The following ZNF385D variants were observed in gnomAD, a reference collection of about 807,000 sequenced individuals.
ZNF385D encodes zinc finger protein 385D, also known as zinc finger protein 659.
ZNF385D carries 15 observed loss-of-function variants against 35.8 expected under a neutral mutation model. The ratio of observed to expected loss-of-function variants is 0.42; its 90% CI spans 0.28 to 0.64. ZNF385D has a LOEUF of 0.64. Ranked by LOEUF, ZNF385D falls within the 30% of genes least tolerant of loss-of-function variation. The probability of loss-of-function intolerance (pLI) is 0.23; values close to 1 mark genes in which losing one functional copy is unlikely to be tolerated. For missense variants in ZNF385D, 474 were observed against 494.6 expected, an observed-to-expected ratio of 0.96 and a Z score of 0.39; for synonymous variants, 212 against 186.8, an observed-to-expected ratio of 1.13 and a Z score of -1.10.
At chr3:22,150,838 G>C (rs1705179116) in intron 3 of ZNF385D, among the ~76,000 whole-genome samples, 1 of 151,988 alleles carries the variant, frequency 6.6e-6, no homozygotes, top group Admixed American at 6.6e-5. Flanking sequence ...CATGTGTAGA[G>C]TGCATATAAG....
intron 2 of ZNF385D, among the ~76,000 whole-genome samples, chr3:22,368,007 C>T (rs998994776): frequency 6.6e-6 from 1 of 152,122 alleles, no homozygotes; most frequent in Admixed American, 6.5e-5. Flanking sequence ...ACATAACTTG[C>T]AAGGAAGGAA....
At chr3:22,326,047 A>G (rs1020490061) in intron 2 of ZNF385D, among the ~76,000 whole-genome samples, 7 of 151,978 alleles carry the variant, frequency 4.6e-5, no homozygotes, top group Non-Finnish European at 5.9e-5. Context: ...CCTGTCTCCA[A>G]TTCCCGAATG....
chr3:22,326,902 T>A (rs191571770), intron 2 of ZNF385D, among the ~76,000 whole-genome samples: 1 of 152,306 alleles, frequency 6.6e-6, no homozygotes, highest in African/African-American at 2.4e-5. Flanking sequence ...AGCAAGTTGA[T>A]AAAAGCAGTC....
At chr3:21,839,740 G>A (rs1695547125) in intron 3 of ZNF385D, among the ~76,000 whole-genome samples, 1 of 151,984 alleles carries the variant, frequency 6.6e-6, no homozygotes, top group African/African-American at 2.4e-5. Flanking sequence ...CCCAGATGCT[G>A]TAGCAGTGGA....
At chr3:21,656,019 C>T (rs898807635) in intron 2 of ZNF385D, among the ~76,000 whole-genome samples, 7 of 151,646 alleles carry the variant, frequency 4.6e-5, no homozygotes, top group African/African-American at 1.7e-4. Flanking sequence ...TATTTACTTC[C>T]TTGGTTCATA....
chr3:21,896,972 T>C (rs1699171111), intron 3 of ZNF385D, among the ~76,000 whole-genome samples: 1 of 152,128 alleles, frequency 6.6e-6, no homozygotes, highest in African/African-American at 2.4e-5. Flanking sequence ...GCTGTGTTTG[T>C]AGGCAGTGAG....
At chr3:21,647,894 A>T (rs1038064786) in intron 2 of ZNF385D, among the ~76,000 whole-genome samples, 2 of 152,198 alleles carry the variant, frequency 1.3e-5, no homozygotes, top group African/African-American at 4.8e-5. Context: ...TACTAAGAAA[A>T]ATGGTATAAA....
intron 3 of ZNF385D, among the ~76,000 whole-genome samples, chr3:21,891,707 G>A (rs190369202): frequency 6.6e-6 from 1 of 152,186 alleles, no homozygotes; most frequent in African/African-American, 2.4e-5. Context: ...AAATTAGGCT[G>A]AGAGGCCTTG....
chr3:22,082,572 C>T (rs757265754), intron 3 of ZNF385D, among the ~76,000 whole-genome samples: 3 of 152,174 alleles, frequency 2.0e-5, no homozygotes, highest in Non-Finnish European at 4.4e-5. Flanking sequence ...ATAGAGCCCA[C>T]CACAACTCAA....
chr3:21,548,263 T>C, intron 3 of ZNF385D, among the ~76,000 whole-genome samples: 1 of 152,188 alleles, frequency 6.6e-6, no homozygotes, highest in African/African-American at 2.4e-5. Context: ...ACCTGGCTGA[T>C]ACTGTTTCTA....
At chr3:21,625,053 A>G (rs2065098787) in intron 2 of ZNF385D, among the ~76,000 whole-genome samples, 1 of 152,072 alleles carries the variant, frequency 6.6e-6, no homozygotes, top group South Asian at 2.1e-4. Context: ...TCTTTGATTC[A>G]GTTCTAATAA....
At chr3:21,618,958 C>G (rs148446121) in intron 2 of ZNF385D, among the ~76,000 whole-genome samples, 21 of 152,232 alleles carry the variant, frequency 1.4e-4, no homozygotes, top group African/African-American at 4.1e-4. Context: ...CCAGGTCAAG[C>G]CAGTTGAGAC....
At chr3:21,531,805 A>G (rs1184659559) in intron 3 of ZNF385D, among the ~76,000 whole-genome samples, 1 of 152,232 alleles carries the variant, frequency 6.6e-6, no homozygotes, top group Non-Finnish European at 1.5e-5. Flanking sequence ...TATTCTGTAT[A>G]ATATGGTAAC....
intron 3 of ZNF385D, among the ~76,000 whole-genome samples, chr3:21,546,886 T>C (rs1057272064): frequency 6.6e-6 from 1 of 151,686 alleles, no homozygotes; most frequent in Non-Finnish European, 1.5e-5. Flanking sequence ...CGGTGGTGCC[T>C]GCCAAAGTCG....
intron 3 of ZNF385D, among the ~76,000 whole-genome samples, chr3:22,076,794 T>G (rs1258211681): frequency 6.6e-6 from 1 of 151,946 alleles, no homozygotes; most frequent in East Asian, 1.9e-4. Context: ...GACTTATTCT[T>G]GGACAAAATA....
In ZNF385D at chr3:21,592,554, A is replaced by C. The variant is rs2064009968; in HGVS notation, c.166-27870T>G. On this transcript the variant is annotated intron_variant, in intron 2 of 7. Transcript: ENST00000281523. ...TTTTGTCTTCATGGCAAAAAAAAAA[A>C]ACCAAAAACAAAAAAAAAAAACAAT... Among the ~76,000 whole-genome samples the C allele has an allele frequency of 3.8e-5, 4 of 104,544 alleles. No individual in the cohort carries two copies. The South Asian group carries it at 1.2e-3, about 32-fold the overall frequency. The allele number at this position is 104,544 out of a possible 152,430, so 68.6% of individuals were successfully genotyped here. A position where few individuals can be genotyped will look rare whatever the true frequency, so the allele number is the denominator to read the frequency against.
At position 22,348,485 on chromosome 3, in the gene ZNF385D, TA is replaced by T. The variant is rs1168729541; in HGVS notation, c.106+23964del. 5.7e-3 allele frequency among the ~76,000 whole-genome samples: 481 copies of T among 84,874 alleles called. 7 individuals are homozygous for T. In the South Asian group the frequency reaches 0.061, roughly 11 times the overall value. The allele number at this position is 84,874 out of a possible 152,430, so 55.7% of individuals were successfully genotyped here. The stretch of plus-strand genomic sequence containing the variant: ...CAACATGGAGAAACTCCATCTCTAC[TA>T]AAAAAAAAAAAAAAAAAAAAATACA... On this transcript the variant is annotated intron_variant, in intron 2 of 5. Coordinates refer to the ZNF385D transcript ENST00000494108.
intron 3 of ZNF385D, among the ~76,000 whole-genome samples, chr3:22,097,025 T>A (rs991934461): frequency 6.6e-5 from 10 of 152,054 alleles, no homozygotes; most frequent in African/African-American, 2.4e-4. Context: ...AGCTCAAGCA[T>A]CCACAAGGAG....
intron 4 of ZNF385D, among the ~76,000 whole-genome samples, chr3:21,494,270 G>GA (rs1299359251): frequency 6.6e-6 from 1 of 152,090 alleles, no homozygotes; most frequent in African/African-American, 2.4e-5. Flanking sequence ...CCATGCAGGT[G>GA]AAAACCACAA....
Sources: allele counts gnomAD v4.1 joint callset (sites outside exome capture counted in the v4.1 genomes callset), GRCh38; gene constraint gnomAD v4.1.1; transcripts MANE v1.5; gene names NCBI Gene and HGNC (gene_info 2026-07-23, HGNC 2026-07-21).